The following PCED1B variants were observed in gnomAD, a reference collection of about 807,000 sequenced individuals.
The protein encoded by PCED1B is PC-esterase domain-containing protein 1B.
For synonymous variants in PCED1B, 251 were observed against 246.1 expected (o/e 1.02, Z -0.19); for missense variants, 573 against 573.9 (o/e 1.00, Z 0.02).
At chr12:47,220,423 C>T (rs538558601) in intron 3 of PCED1B, among the ~76,000 whole-genome samples, 10 of 152,302 alleles carry the variant, frequency 6.6e-5, no homozygotes, top group African/African-American at 1.9e-4. Flanking sequence ...CCACCCACCT[C>T]GGCCTCCCAA....
rs1014648981 is a variant in PCED1B at position 47,140,770 on chromosome 12, G to A, written c.-526+36575G>A. ...AATATATCCAAAATACAATGAATAA[G>A]CAGGGAAAGAGTGCAAAGGAAGTGA... On this transcript the variant is annotated intron_variant, in intron 2 of 3. Transcript: ENST00000546455. Among the ~76,000 whole-genome samples, 21 of 152,118 alleles carry A rather than the reference G, an allele frequency of 1.4e-4. No homozygotes were observed. In the East Asian group the frequency reaches 4.1e-3, roughly 29 times the overall value.
intron 1 of PCED1B, among the ~76,000 whole-genome samples, chr12:47,092,907 G>A (rs766010514): frequency 2.0e-5 from 3 of 152,070 alleles, no homozygotes; most frequent in Non-Finnish European, 4.4e-5. Context: ...ATTTTGTTAA[G>A]AATTTTTAAG....
At position 47,236,526 on chromosome 12, in the gene PCED1B, C is replaced by T; in HGVS notation, c.*164C>T. On this transcript the variant is annotated 3_prime_UTR_variant, in exon 4 of 4. Transcript: ENST00000546455. ...TGTTACCAAGAAAGCCAAGGAAGAG[C>T]AGCCTGACTCATTCTTCTTGGCTGC... 1 of 702,058 alleles carries T rather than the reference C, an allele frequency of 1.4e-6. No homozygotes were observed. Among genetic ancestry groups the T allele is most frequent in the Non-Finnish European group, 2.3e-6 (1 of 443,428 alleles). 43.5% of individuals were successfully genotyped at this position (702,058 alleles called of 1,614,324 possible).
chr12:47,195,057 C>A (rs534850608), intron 2 of PCED1B, among the ~76,000 whole-genome samples: 1 of 152,034 alleles, frequency 6.6e-6, no homozygotes, highest in Non-Finnish European at 1.5e-5. Flanking sequence ...GTAGGCCGGG[C>A]GCGGTGGCTC....
At chr12:47,154,691 TA>T (rs1941129303) in intron 2 of PCED1B, among the ~76,000 whole-genome samples, 1 of 151,956 alleles carries the variant, frequency 6.6e-6, no homozygotes, top group Admixed American at 6.6e-5. Flanking sequence ...CAACTACTCA[TA>T]ATCCCTTAGA....
intron 2 of PCED1B, among the ~76,000 whole-genome samples, chr12:47,212,434 A>G (rs914896519): frequency 3.3e-5 from 5 of 152,200 alleles, no homozygotes; most frequent in Admixed American, 6.5e-5. Context: ...AGAGAAAAAA[A>G]TTCATGAACT....
intron 1 of PCED1B, among the ~76,000 whole-genome samples, chr12:47,086,087 G>A (rs1408534319): frequency 2.0e-5 from 3 of 152,110 alleles, no homozygotes; most frequent in Non-Finnish European, 4.4e-5. Flanking sequence ...AGCCATACAA[G>A]TCTGACTAAA....
Position 47,235,396 on chromosome 12 carries a change from G to T in PCED1B, c.333G>T (p.Ser111=), listed in dbSNP as rs79990001. The part of the protein sequence containing the change: ...YLQTILKELQ[S]GEHAPDLVIM... ...AGACCATCTTGAAAGAGCTGCAGTC[G>T]GGCGAGCACGCCCCCGACCTGGTCA... The change falls in exon 4 of 4, where the codon TCG becomes TCT. Residue 111 remains serine (S), a synonymous_variant. Coordinates refer to ENST00000546455, the MANE Select transcript of PCED1B (RefSeq NM_138371.3). The T allele has an allele frequency of 3.9e-3, 6,251 of 1,614,084 alleles. 215 individuals carry two copies. The African/African-American group carries it at 0.074, about 19-fold the overall frequency.
At chr12:47,118,405 A>G (rs534065616) in intron 2 of PCED1B, among the ~76,000 whole-genome samples, 1 of 152,212 alleles carries the variant, frequency 6.6e-6, no homozygotes, top group African/African-American at 2.4e-5. Flanking sequence ...AGCTTTCTAC[A>G]TATGGCTAGC....
intron 2 of PCED1B, among the ~76,000 whole-genome samples, chr12:47,143,821 T>C (rs1163746132): frequency 8.5e-6 from 1 of 117,138 alleles, no homozygotes; most frequent in South Asian, 2.8e-4. Flanking sequence ...GTTACAAAGC[T>C]ATAGTAATCA....
chr12:47,159,203 T>C (rs1941292104), intron 2 of PCED1B, among the ~76,000 whole-genome samples: 1 of 152,188 alleles, frequency 6.6e-6, no homozygotes. Context: ...GCAGTAAACA[T>C]GGGAGTGCAG....
intron 2 of PCED1B, among the ~76,000 whole-genome samples, chr12:47,157,775 T>A (rs978583099): frequency 1.3e-5 from 2 of 152,174 alleles, no homozygotes; most frequent in African/African-American, 2.4e-5. Flanking sequence ...AAACTGAAAC[T>A]CTGTACCTGT....
At chr12:47,178,674 C>T (rs1362316136) in intron 2 of PCED1B, among the ~76,000 whole-genome samples, 3 of 152,002 alleles carry the variant, frequency 2.0e-5, no homozygotes, top group African/African-American at 7.3e-5. Context: ...CGAGACCAGC[C>T]TGACCAACAT....
rs145278462 is a variant in PCED1B at position 47,080,243 on chromosome 12, A to C, written c.-609+518A>C. Among the ~76,000 whole-genome samples, 985 of 152,100 alleles carry C rather than the reference A, an allele frequency of 6.5e-3. 13 individuals are homozygous for C. The highest frequency in any genetic ancestry group is 0.022 in the African/African-American group (929 of 41,518). ...TTCGTCCAGCTCCAAGCCGGGCGGT[A>C]ATGGGGTCCAGGAAGGCTAAAGGGG... On this transcript the variant is annotated intron_variant, in intron 1 of 3. Coordinates refer to ENST00000546455, the MANE Select transcript of PCED1B (RefSeq NM_138371.3).
intron 3 of PCED1B, among the ~76,000 whole-genome samples, chr12:47,219,440 G>A (rs1943405116): frequency 6.6e-6 from 1 of 152,210 alleles, no homozygotes; most frequent in South Asian, 2.1e-4. Flanking sequence ...TCCTGGAGCA[G>A]AATTGTCACA....
At chr12:47,169,239 A>G (rs1355317257) in intron 2 of PCED1B, among the ~76,000 whole-genome samples, 1 of 152,252 alleles carries the variant, frequency 6.6e-6, no homozygotes, top group Non-Finnish European at 1.5e-5. Context: ...GAGCTAGGAT[A>G]GCAAACTGGA....
intron 3 of PCED1B, among the ~76,000 whole-genome samples, chr12:47,234,035 T>C (rs895189956): frequency 1.3e-5 from 2 of 152,212 alleles, no homozygotes; most frequent in African/African-American, 2.4e-5. Flanking sequence ...TTGCCCAGGC[T>C]AAAGTGCAAT....
At chr12:47,090,464 C>T (rs1346876283) in intron 1 of PCED1B, among the ~76,000 whole-genome samples, 1 of 152,056 alleles carries the variant, frequency 6.6e-6, no homozygotes, top group Non-Finnish European at 1.5e-5. Context: ...TGCAAAATTC[C>T]AACAAAGACA....
chr12:47,091,153 C>T (rs144021477), intron 1 of PCED1B, among the ~76,000 whole-genome samples: 1 of 152,282 alleles, frequency 6.6e-6, no homozygotes, highest in Non-Finnish European at 1.5e-5. Flanking sequence ...TATTATCCCA[C>T]AAGTGGTATA....
Sources: allele counts gnomAD v4.1 joint callset (sites outside exome capture counted in the v4.1 genomes callset), GRCh38; gene constraint gnomAD v4.1.1; transcripts MANE v1.5; gene names NCBI Gene and HGNC (gene_info 2026-07-23, HGNC 2026-07-21).